The following GHR variants were observed in gnomAD, a reference collection of about 807,000 sequenced individuals.
GHR encodes the protein GH receptor.
Under a neutral mutation model 67.1 loss-of-function variants are expected in GHR, and 35 were observed. The observed-to-expected ratio is 0.52, with a 90% CI of 0.40 to 0.69. The LOEUF (loss-of-function observed/expected upper bound fraction) is 0.69, where lower values mean the gene tolerates loss of function less well. Ranked by LOEUF, GHR falls within the 30% of genes least tolerant of loss-of-function variation. The pLI is 0.00. For missense variants in GHR, 792 were observed against 764.6 expected (o/e 1.04, Z -0.42); for synonymous variants, 272 against 269.1 (o/e 1.01, Z -0.10).
intron 2 of GHR, among the ~76,000 whole-genome samples, chr5:42,578,717 G>T (rs1204958048): frequency 6.6e-6 from 1 of 152,032 alleles, no homozygotes; most frequent in Non-Finnish European, 1.5e-5. Context: ...AAGTAGTTAA[G>T]GTTCATAATT....
At chr5:42,635,092 T>C (rs1394185442) in intron 3 of GHR, among the ~76,000 whole-genome samples, 6 of 152,246 alleles carry the variant, frequency 3.9e-5, no homozygotes, top group Admixed American at 3.9e-4. Flanking sequence ...CATTAAATTA[T>C]TGACAGTCTA....
chr5:42,529,447 C>T (rs1747860325), intron 1 of GHR, among the ~76,000 whole-genome samples: 1 of 152,166 alleles, frequency 6.6e-6, no homozygotes, highest in Admixed American at 6.5e-5. Flanking sequence ...TATATTTTGA[C>T]ATACATTCTT....
chr5:42,680,468 A>G (rs1162513759), intron 3 of GHR, among the ~76,000 whole-genome samples: 1 of 150,864 alleles, frequency 6.6e-6, no homozygotes, highest in Non-Finnish European at 1.5e-5. Context: ...TTTTAATTCC[A>G]TGAAATTTTA....
At chr5:42,587,861 C>A (rs1751564498) in intron 2 of GHR, among the ~76,000 whole-genome samples, 3 of 152,176 alleles carry the variant, frequency 2.0e-5, no homozygotes, top group African/African-American at 7.2e-5. Context: ...TGCTACTACT[C>A]CACTCCTGTC....
intron 1 of GHR, among the ~76,000 whole-genome samples, chr5:42,534,387 T>A (rs1038612001): frequency 2.8e-5 from 4 of 141,630 alleles, no homozygotes; most frequent in Non-Finnish European, 6.1e-5. Context: ...TATATGTATG[T>A]ATATATGTAC....
At chr5:42,708,082 G>C (rs947524703) in intron 6 of GHR, among the ~76,000 whole-genome samples, 1 of 152,022 alleles carries the variant, frequency 6.6e-6, no homozygotes, top group East Asian at 1.9e-4. Flanking sequence ...AGGTCTGTTG[G>C]TGAGGAATGG....
intron 1 of GHR, among the ~76,000 whole-genome samples, chr5:42,431,874 GA>G (rs1313322834): frequency 6.6e-6 from 1 of 152,152 alleles, no homozygotes; most frequent in Non-Finnish European, 1.5e-5. Flanking sequence ...TTTGCAAATT[GA>G]AAAGGTACTT....
rs1753837174 is a variant in GHR, at chr5:42,629,119, C to A, written c.136+16C>A. ...CTAAAGACAAGTAAGAATTTCAGTC[C>A]TTTTTCTTCCTTCAATGATATTTTC... On this transcript the variant is annotated intron_variant, in intron 3 of 9. Transcript: ENST00000230882. 11 of 1,179,202 alleles carry A rather than the reference C, an allele frequency of 9.3e-6. 1 individual carries two copies. The East Asian group carries it at 2.4e-4, about 25-fold the overall frequency. The allele number at this position is 1,179,202 out of a possible 1,614,324, so 73.0% of individuals were successfully genotyped here. A position where few individuals can be genotyped will look rare whatever the true frequency, so the allele number is the denominator to read the frequency against.
At chr5:42,498,049 A>T (rs1746392738) in intron 1 of GHR, among the ~76,000 whole-genome samples, 1 of 152,176 alleles carries the variant, frequency 6.6e-6, no homozygotes, top group African/African-American at 2.4e-5. Flanking sequence ...GAGCATTTGG[A>T]TACATCCTGA....
chr5:42,650,253 GC>G (rs1754949815), intron 3 of GHR, among the ~76,000 whole-genome samples: 1 of 152,036 alleles, frequency 6.6e-6, no homozygotes, highest in African/African-American at 2.4e-5. Context: ...ATTACAGAAA[GC>G]AGCAGTGACA....
chr5:42,684,846 G>T (rs1757061072), intron 3 of GHR, among the ~76,000 whole-genome samples: 2 of 152,112 alleles, frequency 1.3e-5, no homozygotes, highest in South Asian at 2.1e-4. Context: ...TGCAACTCAG[G>T]ATTTTCTGAA....
In GHR at chr5:42,654,355, C is replaced by G. The variant is rs1189245658; in HGVS notation, c.136+25252C>G. Among the ~76,000 whole-genome samples, 7 of 152,110 alleles carry G rather than the reference C, an allele frequency of 4.6e-5. No homozygotes were observed. In the East Asian group the frequency reaches 1.2e-3, roughly 25 times the overall value. ...CTGATTCTGTACCAATGCCCTGCCC[C>G]CCATGTAGGCAAATGCATGTCCCGA... On this transcript the variant is annotated intron_variant, in intron 3 of 9. Transcript: ENST00000230882.
intron 1 of GHR, among the ~76,000 whole-genome samples, chr5:42,560,994 C>A (rs1210526141): frequency 6.6e-6 from 1 of 152,206 alleles, no homozygotes; most frequent in Non-Finnish European, 1.5e-5. Context: ...CTGTTTTAAT[C>A]TGGTCCTACC....
chr5:42,579,194 A>AGAT (rs1322884948), intron 2 of GHR, among the ~76,000 whole-genome samples: 2 of 151,482 alleles, frequency 1.3e-5, no homozygotes, highest in East Asian at 1.9e-4. Context: ...ATAGATAGAT[A>AGAT]GATAGACAGA....
intron 3 of GHR, among the ~76,000 whole-genome samples, chr5:42,688,335 G>A (rs997496381): frequency 1.3e-5 from 2 of 152,196 alleles, no homozygotes; most frequent in Non-Finnish European, 2.9e-5. Flanking sequence ...AGAAGTGCAT[G>A]GGGGTGAACA....
At chr5:42,518,171 CATA>C (rs1747324176) in intron 1 of GHR, among the ~76,000 whole-genome samples, 1 of 148,540 alleles carries the variant, frequency 6.7e-6, no homozygotes, top group Admixed American at 6.7e-5. Flanking sequence ...AGTATATATT[CATA>C]ATAATGATTA....
At chr5:42,578,990 A>C (rs964237648) in intron 2 of GHR, among the ~76,000 whole-genome samples, 4 of 152,140 alleles carry the variant, frequency 2.6e-5, no homozygotes, top group African/African-American at 4.8e-5. Context: ...CAAGTGGAAG[A>C]ATTAGGTCTG....
intron 4 of GHR, among the ~76,000 whole-genome samples, chr5:42,690,588 T>G (rs1757377698): frequency 2.0e-5 from 3 of 152,226 alleles, no homozygotes; most frequent in Admixed American, 2.0e-4. Context: ...ATTGTTATAA[T>G]TATTTTAATT....
chr5:42,594,448 C>CT (rs1751958038), intron 2 of GHR, among the ~76,000 whole-genome samples: 1 of 152,112 alleles, frequency 6.6e-6, no homozygotes. Context: ...CTTCTTGGAG[C>CT]TTTTTTCTTC....
Sources: allele counts gnomAD v4.1 joint callset (sites outside exome capture counted in the v4.1 genomes callset), GRCh38; gene constraint gnomAD v4.1.1; transcripts MANE v1.5; gene names NCBI Gene and HGNC (gene_info 2026-07-23, HGNC 2026-07-21).